Variants in RBM4B observed in about 807,000 individuals in gnomAD.
RBM4B encodes RNA-binding protein 4B.
Under a neutral mutation model 28.5 loss-of-function variants are expected in RBM4B, and 13 were observed. The ratio of observed to expected loss-of-function variants is 0.46; its 90% CI spans 0.30 to 0.72. RBM4B has a LOEUF of 0.72. Ranked by LOEUF, RBM4B falls within the 30% of genes least tolerant of loss-of-function variation. RBM4B has a pLI of 0.09. For missense variants in RBM4B, 387 were observed against 477.6 expected (o/e 0.81, Z 1.77); for synonymous variants, 167 against 179.1 (o/e 0.93, Z 0.54).
chr11:66,670,881 T>C, intron 2 of RBM4B: 1 of 702,262 alleles, frequency 1.4e-6, no homozygotes, highest in Middle Eastern at 2.3e-4. Context: ...TCTTAAGGAC[T>C]GCTGAGAACA....
rs749283090 is a variant in RBM4B at position 66,676,914 on chromosome 11, G to T, written c.166C>A (p.His56Asn). 5.0e-5 allele frequency: 80 copies of T among 1,614,026 alleles called. No individual in the cohort carries two copies. In the South Asian group the frequency reaches 7.8e-4, roughly 16 times the overall value. ...TTCACCCCATGAAGCTTGTAATGGT[G>T]CAGGTTGCGTATGGCATCCTCAGCT... ...TAAEDAIRNL[H>N]HYKLHGVNIN... Residue 56 changes from histidine to asparagine, a missense_variant, in exon 2 of 4, where the codon CAC (histidine) becomes AAC (asparagine). His to Asn is a moderately conservative substitution (Grantham distance 68, BLOSUM62 1). This residue lies in a region of RBM4B where 161 missense variants were observed against 256.9 expected (regional missense o/e 0.63). Transcript: ENST00000310046.
At chr11:66,665,813 G>T in intron 3 of RBM4B, 4 of 1,473,928 alleles carry the variant, frequency 2.7e-6, no homozygotes, top group Non-Finnish European at 3.6e-6. Flanking sequence ...TCTAGCTGAA[G>T]AATGTGTTGG....
Position 66,665,221 on chromosome 11 carries a change from A to G in RBM4B, c.*367T>C, listed in dbSNP as rs1939180345. On this transcript the variant is annotated 3_prime_UTR_variant, in exon 4 of 4. Transcript: ENST00000310046. ...AGAGTAAAAGGCTGCTTGCCACTAC[A>G]TGGTCATTTTAAAGGGAAAGGAGAT... 7.1e-6 allele frequency: 2 copies of G among 282,332 alleles called. No homozygotes were observed. The highest frequency in any genetic ancestry group is 4.4e-5 in the South Asian group (1 of 22,484). 17.5% of individuals were successfully genotyped at this position (282,332 alleles called of 1,614,324 possible). A position where few individuals can be genotyped will look rare whatever the true frequency, so the allele number is the denominator to read the frequency against.
At chr11:66,669,591 C>A (rs1224164169) in intron 2 of RBM4B, among the ~76,000 whole-genome samples, 1 of 152,170 alleles carries the variant, frequency 6.6e-6, no homozygotes, top group Non-Finnish European at 1.5e-5. Flanking sequence ...GGATTACAGG[C>A]ATGCGCTGCC....
intron 2 of RBM4B, among the ~76,000 whole-genome samples, chr11:66,675,052 T>C (rs1414886429): frequency 1.3e-5 from 2 of 152,190 alleles, no homozygotes; most frequent in Non-Finnish European, 2.9e-5. Context: ...ATAATTAAGA[T>C]ACTTTTAAAA....
intron 1 of RBM4B, chr11:66,677,434 C>A: frequency 3.1e-6 from 1 of 320,266 alleles, no homozygotes; most frequent in East Asian, 6.9e-5. Context: ...CGCCTGGTAA[C>A]AAGGTTTTGG....
In RBM4B at chr11:66,665,729, G is replaced by A; in HGVS notation, c.*10-151C>T. 4 of 1,371,368 alleles carry A rather than the reference G, an allele frequency of 2.9e-6. No homozygotes were observed. The South Asian group carries it at 5.4e-5, about 18-fold the overall frequency. The allele number at this position is 1,371,368 out of a possible 1,614,324, so 84.9% of individuals were successfully genotyped here. The stretch of plus-strand genomic sequence containing the variant: ...AGACTGGATCTAACTCATATCCCAT[G>A]TAATTACCTAGGAGTCTATCAATAG... On this transcript the variant is annotated intron_variant, in intron 3 of 3. Coordinates refer to ENST00000310046, the MANE Select transcript of RBM4B (RefSeq NM_031492.4).
At chr11:66,665,672 G>C in intron 3 of RBM4B, 94 bp from the exon 4 acceptor site, 4 of 1,514,740 alleles carry the variant, frequency 2.6e-6, no homozygotes, top group Non-Finnish European at 3.5e-6. Context: ...TGTATTCCGG[G>C]GGGAAAAAAA....
chr11:66,670,377 CT>C (rs1939423124), intron 2 of RBM4B, among the ~76,000 whole-genome samples: 1 of 152,126 alleles, frequency 6.6e-6, no homozygotes, highest in Admixed American at 6.5e-5. Flanking sequence ...TGCCATGTAA[CT>C]TACAATTTTT....
At chr11:66,677,686 G>C (rs867722267) in intron 1 of RBM4B, 78 bp downstream of exon 1, 3 of 153,534 alleles carry the variant, frequency 2.0e-5, no homozygotes, top group African/African-American at 7.2e-5. Context: ...ACCCAAATCC[G>C]GGCCGTGCAG....
intron 2 of RBM4B, chr11:66,675,415 C>T (rs1939605190): frequency 6.6e-6 from 1 of 152,252 alleles, no homozygotes; most frequent in Non-Finnish European, 1.5e-5. Context: ...CAACCTTTGC[C>T]CTATGCTTTA....
intron 3 of RBM4B, chr11:66,668,404 G>A (rs937316758): frequency 5.1e-5 from 26 of 506,646 alleles, no homozygotes; most frequent in African/African-American, 4.2e-4. Context: ...TCTCTCAGAA[G>A]GAACAAGTTG....
intron 1 of RBM4B, chr11:66,677,379 G>A (rs895254750): frequency 2.2e-6 from 1 of 460,892 alleles, no homozygotes; most frequent in Non-Finnish European, 3.9e-6. Flanking sequence ...TTAAAATGAG[G>A]GAAGAGAAAA....
chr11:66,674,369 C>A (rs556060518), intron 2 of RBM4B, among the ~76,000 whole-genome samples: 1 of 150,964 alleles, frequency 6.6e-6, no homozygotes, highest in Non-Finnish European at 1.5e-5. Flanking sequence ...GACTACAAGG[C>A]GCCTGCCACC....
intron 1 of RBM4B, 43 bp downstream of exon 1, chr11:66,677,717 ACCCG>A: frequency 6.6e-6 from 1 of 151,710 alleles, no homozygotes; most frequent in South Asian, 2.1e-4. Flanking sequence ...GCCCGGCCCG[ACCCG>A]CCCCCGAGCT....
intron 2 of RBM4B, among the ~76,000 whole-genome samples, chr11:66,672,703 G>A (rs1939507545): frequency 6.6e-6 from 1 of 151,996 alleles, no homozygotes. Flanking sequence ...CACCATGTTG[G>A]CCAGGCTGGT....
intron 3 of RBM4B, chr11:66,668,196 A>G (rs1253736462): frequency 6.0e-6 from 1 of 165,680 alleles, no homozygotes; most frequent in African/African-American, 2.4e-5. Flanking sequence ...CATTTATCAA[A>G]TGACTTTGGG....
At chr11:66,677,624 C>G (rs554866515) in intron 1 of RBM4B, 140 bp downstream of exon 1, 1 of 155,434 alleles carries the variant, frequency 6.4e-6, no homozygotes, top group African/African-American at 2.4e-5. Flanking sequence ...TCCGGAGACC[C>G]GGCCCCGCCT....
intron 3 of RBM4B, chr11:66,666,520 A>G: frequency 1.1e-6 from 1 of 885,040 alleles, no homozygotes; most frequent in South Asian, 5.2e-5. Context: ...TTTAAAAGTC[A>G]TCGCTAAAAA....
Sources: allele counts gnomAD v4.1 joint callset (sites outside exome capture counted in the v4.1 genomes callset), GRCh38; gene constraint gnomAD v4.1.1; regional missense constraint gnomAD v4.1.1; transcripts MANE v1.5; gene names NCBI Gene and HGNC (gene_info 2026-07-23, HGNC 2026-07-21).